Variants in C10orf90 observed in about 807,000 individuals in gnomAD.
C10orf90 encodes the protein chromosome 10 open reading frame 90.
C10orf90 carries 56 observed loss-of-function variants against 62.5 expected under a neutral mutation model. The observed-to-expected ratio is 0.90, with a 90% CI of 0.72 to 1.12. The LOEUF is 1.12. Ranked by LOEUF, C10orf90 falls within the 50% of genes most tolerant of loss-of-function variation. The probability of loss-of-function intolerance (pLI) is 0.00; values close to 1 mark genes in which losing one functional copy is unlikely to be tolerated. For missense variants in C10orf90, 970 were observed against 880.4 expected (o/e 1.10, Z -1.29); for synonymous variants, 386 against 340.4 (o/e 1.13, Z -1.47).
intron 1 of C10orf90, among the ~76,000 whole-genome samples, chr10:126,668,360 G>T (rs1846675663): frequency 1.3e-5 from 2 of 152,182 alleles, no homozygotes; most frequent in African/African-American, 4.8e-5. Context: ...AATGGCCTTG[G>T]AGCTGATAGA....
chr10:126,600,456 T>C (rs79720605), intron 2 of C10orf90, among the ~76,000 whole-genome samples: 1,726 of 152,300 alleles, frequency 0.011, 13 homozygotes, highest in Non-Finnish European at 0.02. Flanking sequence ...AAGCCAGATG[T>C]GGTGAGGACC....
chr10:126,602,977 G>A (rs1444439328), intron 2 of C10orf90, among the ~76,000 whole-genome samples: 1 of 151,962 alleles, frequency 6.6e-6, no homozygotes, highest in Non-Finnish European at 1.5e-5. Context: ...GGGAGAGAGA[G>A]AGAGAGACAG....
intron 4 of C10orf90, among the ~76,000 whole-genome samples, chr10:126,501,628 G>A (rs1336865918): frequency 1.3e-5 from 2 of 152,140 alleles, no homozygotes; most frequent in African/African-American, 4.8e-5. Flanking sequence ...GGAGTTCAGA[G>A]AGTATCACTC....
intron 2 of C10orf90, among the ~76,000 whole-genome samples, chr10:126,565,131 A>ATTATATTACATATTATGTAAT (rs1219424596): frequency 1.8e-5 from 1 of 54,268 alleles, no homozygotes; most frequent in Non-Finnish European, 3.3e-5. Flanking sequence ...AATATATAAT[A>ATTATATTACATATTATGTAAT]TAAATATAAT....
At chr10:126,648,164 G>T (rs959707848) in intron 1 of C10orf90, among the ~76,000 whole-genome samples, 4 of 148,904 alleles carry the variant, frequency 2.7e-5, no homozygotes, top group Non-Finnish European at 6.0e-5. Context: ...TGCCATGTTT[G>T]TTTTTTTTTT....
intron 4 of C10orf90, among the ~76,000 whole-genome samples, chr10:126,486,566 T>A (rs10901617): frequency 0.22 from 33,578 of 152,064 alleles, 4,644 homozygotes; most frequent in African/African-American, 0.4. Flanking sequence ...TAAAAAATAC[T>A]GGATATAAAC....
chr10:126,510,841 A>G (rs1043149518), intron 3 of C10orf90, among the ~76,000 whole-genome samples: 4 of 152,268 alleles, frequency 2.6e-5, no homozygotes, highest in African/African-American at 9.6e-5. Context: ...TGAAGCCAGA[A>G]AGAGTCAAGT....
intron 2 of C10orf90, among the ~76,000 whole-genome samples, chr10:126,610,678 C>T (rs1362244939): frequency 1.3e-5 from 2 of 152,210 alleles, no homozygotes; most frequent in South Asian, 2.1e-4. Context: ...TTATCATTCT[C>T]TCCACATATT....
At chr10:126,551,896 C>T (rs1864642050) in intron 2 of C10orf90, among the ~76,000 whole-genome samples, 1 of 152,208 alleles carries the variant, frequency 6.6e-6, no homozygotes, top group South Asian at 2.1e-4. Context: ...CAACTGAATT[C>T]ATTTGCTAGA....
Position 126,670,337 on chromosome 10 carries a change from C to G in C10orf90, c.144G>C (p.Lys48Asn), listed in dbSNP as rs1283228211. ...KNHVMVMDFV[K>N]SNWFPSQRRA... Reference sequence around the variant, plus strand: ...TTCTCTGGGAGGGAAACCAGTTACTCTTCACAAAATCCATGACCATCACAT... The same window carrying G: ...TTCTCTGGGAGGGAAACCAGTTACTGTTCACAAAATCCATGACCATCACAT... The change falls in exon 1 of 10, where the codon AAG becomes AAC. Residue 48 changes from lysine (K) to asparagine (N), a missense_variant. Transcript: ENST00000488181. The G allele has an allele frequency of 4.4e-6, 2 of 456,712 alleles. No individual in the cohort carries two copies. The highest frequency in any genetic ancestry group is 1.4e-4 in the East Asian group (2 of 14,386). 28.3% of individuals were successfully genotyped at this position (456,712 alleles called of 1,614,324 possible).
chr10:126,604,958 C>T lies in C10orf90; in HGVS notation c.313+41607G>A, dbSNP rs74158846. The stretch of plus-strand genomic sequence containing the variant: ...TCACTCCACCATGCTCTTTTGATCC[C>T]GTGCCACCCCAGGAAAGCTCAGAAA... On this transcript the variant is annotated intron_variant, in intron 2 of 9. Transcript: ENST00000488181. Among the ~76,000 whole-genome samples the T allele has an allele frequency of 3.4e-3, 510 of 152,234 alleles. 3 individuals carry two copies. Among genetic ancestry groups the T allele is most frequent in the African/African-American group, 0.012 (493 of 41,544 alleles).
intron 1 of C10orf90, among the ~76,000 whole-genome samples, chr10:126,651,787 G>A (rs1846296840): frequency 6.6e-6 from 1 of 152,212 alleles, no homozygotes; most frequent in Non-Finnish European, 1.5e-5. Context: ...TGGATCCCAA[G>A]AAGGCAAAGA....
At chr10:126,567,671 A>C (rs920561093) in intron 2 of C10orf90, among the ~76,000 whole-genome samples, 4 of 152,254 alleles carry the variant, frequency 2.6e-5, no homozygotes, top group Middle Eastern at 3.4e-3. Flanking sequence ...AAGAAGATCG[A>C]GACTCGACTG....
At chr10:126,631,247 T>C (rs1214234951) in intron 2 of C10orf90, among the ~76,000 whole-genome samples, 1 of 152,106 alleles carries the variant, frequency 6.6e-6, no homozygotes, top group Non-Finnish European at 1.5e-5. Flanking sequence ...TCAGCCCTCC[T>C]CCTTTCTAGC....
intron 2 of C10orf90, among the ~76,000 whole-genome samples, chr10:126,612,414 A>T (rs918035762): frequency 1.3e-5 from 2 of 152,168 alleles, no homozygotes; most frequent in African/African-American, 4.8e-5. Context: ...ATCATTGTAG[A>T]AAGTTCTATT....
intron 2 of C10orf90, among the ~76,000 whole-genome samples, chr10:126,626,714 T>C (rs141990733): frequency 7.2e-5 from 11 of 152,352 alleles, no homozygotes; most frequent in Non-Finnish European, 1.0e-4. Flanking sequence ...CAGGGATCGA[T>C]ACAGTGAGCT....
chr10:126,550,012 G>A (rs1338750650), intron 2 of C10orf90, among the ~76,000 whole-genome samples: 1 of 149,238 alleles, frequency 6.7e-6, no homozygotes, highest in Non-Finnish European at 1.5e-5. Context: ...CTGGAGTGCA[G>A]TGGCGCAATC....
Position 126,623,529 on chromosome 10 carries a change from T to C in C10orf90, c.313+23036A>G, listed in dbSNP as rs115169333. Among the ~76,000 whole-genome samples the C allele has an allele frequency of 7.7e-3, 1,173 of 152,252 alleles. 11 individuals carry two copies. The highest frequency in any genetic ancestry group is 0.026 in the African/African-American group (1,064 of 41,548). On this transcript the variant is annotated intron_variant, in intron 2 of 9. Coordinates refer to ENST00000488181, the MANE Select transcript of C10orf90 (RefSeq NM_001350921.2). ...CTGACAATTTCTACCTTGATCTCTC[T>C]CTTTCCCCAAGTAGAATGAGAGCTT... is the stretch of plus-strand genomic sequence containing the variant.
At chr10:126,455,240 C>T (rs984121541) in intron 7 of C10orf90, among the ~76,000 whole-genome samples, 1 of 152,180 alleles carries the variant, frequency 6.6e-6, no homozygotes. Flanking sequence ...TGCCTCCCCG[C>T]CCATCCCCAT....
Sources: gnomAD v4.1 joint callset for allele counts (sites outside exome capture counted in the v4.1 genomes callset) on GRCh38, gnomAD v4.1.1 for gene constraint, MANE v1.5 for transcripts, NCBI Gene and HGNC (gene_info 2026-07-23, HGNC 2026-07-21) for gene names.